The following GRIK1 variants were observed in gnomAD, a reference collection of about 807,000 sequenced individuals.
GRIK1 encodes glutamate receptor ionotropic, kainate 1.
Under a neutral mutation model 105.7 loss-of-function variants are expected in GRIK1, and 69 were observed. The ratio of observed to expected loss-of-function variants is 0.65; its 90% CI spans 0.54 to 0.80. The LOEUF (loss-of-function observed/expected upper bound fraction) is 0.80. GRIK1 is among the 30% of genes least tolerant of loss of function. GRIK1 has a pLI of 0.00. For missense variants in GRIK1, 1,109 were observed against 1,167.3 expected, an observed-to-expected ratio of 0.95 and a Z score of 0.73; for synonymous variants, 438 against 431.3, an observed-to-expected ratio of 1.02 and a Z score of -0.19.
intron 1 of GRIK1, among the ~76,000 whole-genome samples, chr21:29,891,876 G>T (rs2069912626): frequency 1.3e-5 from 2 of 152,084 alleles, no homozygotes; most frequent in African/African-American, 4.8e-5. Flanking sequence ...ATACAGTTTT[G>T]ATTGTCCACA....
intron 16 of GRIK1, among the ~76,000 whole-genome samples, chr21:29,545,133 G>C (rs2090031000): frequency 6.6e-6 from 1 of 152,226 alleles, no homozygotes; most frequent in African/African-American, 2.4e-5. Context: ...CCCTAGAAAG[G>C]ACACATGAAT....
At chr21:29,740,282 A>G (rs1381688342) in intron 1 of GRIK1, among the ~76,000 whole-genome samples, 1 of 151,686 alleles carries the variant, frequency 6.6e-6, no homozygotes, top group Non-Finnish European at 1.5e-5. Flanking sequence ...CAGTGGCACA[A>G]TCTCGGCTGA....
intron 1 of GRIK1, among the ~76,000 whole-genome samples, chr21:29,761,585 T>C (rs951343213): frequency 1.3e-5 from 2 of 152,222 alleles, no homozygotes; most frequent in African/African-American, 4.8e-5. Flanking sequence ...AAAAAGTTCT[T>C]ATATTTCACA....
intron 7 of GRIK1, among the ~76,000 whole-genome samples, chr21:29,617,407 C>A (rs886746517): frequency 2.0e-5 from 3 of 152,160 alleles, no homozygotes; most frequent in Non-Finnish European, 4.4e-5. Flanking sequence ...CAAGTTTGAG[C>A]AATCAGTACT....
intron 1 of GRIK1, among the ~76,000 whole-genome samples, chr21:29,842,405 C>T (rs1023976282): frequency 3.9e-5 from 6 of 152,004 alleles, no homozygotes; most frequent in East Asian, 1.9e-4. Context: ...TAAAAGGAAG[C>T]GAAGAAAAGA....
chr21:29,566,553 A>G (rs1459979017), intron 14 of GRIK1, among the ~76,000 whole-genome samples: 3 of 152,206 alleles, frequency 2.0e-5, no homozygotes, highest in Non-Finnish European at 4.4e-5. Context: ...TTTGATGAAC[A>G]TTATTTATTT....
At chr21:29,697,706 CG>C (rs1190320574) in intron 1 of GRIK1, among the ~76,000 whole-genome samples, 2 of 152,078 alleles carry the variant, frequency 1.3e-5, no homozygotes, top group Non-Finnish European at 2.9e-5. Flanking sequence ...GACTGTTTAA[CG>C]ATCAGCCACT....
chr21:29,547,012 C>T lies in GRIK1; in HGVS notation c.2607+8040G>A, dbSNP rs576626768. On this transcript the variant is annotated intron_variant, in intron 16 of 17. Coordinates refer to ENST00000327783, the MANE Select transcript of GRIK1 (RefSeq NM_001330994.2). ...ACACTTACAGAATAGAGAGAGTCTT[C>T]CTATGAGGTCCAGTCTCATTTATCA... Among the ~76,000 whole-genome samples the T allele has an allele frequency of 4.6e-5, 7 of 152,344 alleles. No individual in the cohort carries two copies. In the South Asian group the frequency reaches 1.4e-3, roughly 32 times the overall value.
At chr21:29,827,556 T>C (rs1212722108) in intron 1 of GRIK1, among the ~76,000 whole-genome samples, 2 of 152,076 alleles carry the variant, frequency 1.3e-5, no homozygotes, top group Non-Finnish European at 2.9e-5. Context: ...CAAATCCTAT[T>C]TTGATTAACA....
chr21:29,671,951 A>G (rs1441623569), intron 4 of GRIK1, among the ~76,000 whole-genome samples: 1 of 151,958 alleles, frequency 6.6e-6, no homozygotes, highest in Non-Finnish European at 1.5e-5. Context: ...TGTTCCAAAT[A>G]TGACCCCCCA....
chr21:29,752,611 A>G (rs1183126611), intron 1 of GRIK1, among the ~76,000 whole-genome samples: 2 of 152,132 alleles, frequency 1.3e-5, no homozygotes, highest in African/African-American at 2.4e-5. Flanking sequence ...GGATCACTGG[A>G]GGCCAGGAGT....
chr21:29,919,769 A>G (rs927097646), intron 1 of GRIK1, among the ~76,000 whole-genome samples: 41 of 152,216 alleles, frequency 2.7e-4, no homozygotes, highest in African/African-American at 9.6e-4. Flanking sequence ...GAATAAACCT[A>G]CGTAGTGGTT....
At chr21:29,820,950 A>G (rs966465599) in intron 1 of GRIK1, among the ~76,000 whole-genome samples, 5 of 151,898 alleles carry the variant, frequency 3.3e-5, no homozygotes, top group Non-Finnish European at 5.9e-5. Context: ...CTAAGCCCAC[A>G]GTGTTTGTAA....
At chr21:29,570,613 A>C (rs1277439161) in intron 14 of GRIK1, among the ~76,000 whole-genome samples, 1 of 152,236 alleles carries the variant, frequency 6.6e-6, no homozygotes, top group African/African-American at 2.4e-5. Context: ...CCTCATATTC[A>C]GAGAAGAATT....
intron 1 of GRIK1, among the ~76,000 whole-genome samples, chr21:29,734,184 A>T (rs947378353): frequency 6.6e-6 from 1 of 152,078 alleles, no homozygotes; most frequent in African/African-American, 2.4e-5. Context: ...CCCCACTTCC[A>T]AGCACCTCCA....
At chr21:29,562,522 G>A (rs991645516) in intron 14 of GRIK1, among the ~76,000 whole-genome samples, 1 of 152,094 alleles carries the variant, frequency 6.6e-6, no homozygotes, top group Admixed American at 6.5e-5. Flanking sequence ...AGGTGTCGTG[G>A]CATGTGCCTG....
chr21:29,562,472 A>T (rs1295531253), intron 14 of GRIK1, among the ~76,000 whole-genome samples: 1 of 152,192 alleles, frequency 6.6e-6, no homozygotes, highest in Non-Finnish European at 1.5e-5. Flanking sequence ...CTTGACCAAC[A>T]TGGTGAAACC....
chr21:29,729,090 G>T (rs1194097843), intron 1 of GRIK1, among the ~76,000 whole-genome samples: 2 of 152,140 alleles, frequency 1.3e-5, no homozygotes, highest in Non-Finnish European at 2.9e-5. Flanking sequence ...TGTGATTGGG[G>T]ACCTAATCAA....
intron 1 of GRIK1, among the ~76,000 whole-genome samples, chr21:29,822,480 A>G (rs564109323): frequency 2.0e-5 from 3 of 152,142 alleles, no homozygotes; most frequent in Non-Finnish European, 4.4e-5. Context: ...AAAACCCATA[A>G]TTTTTTAGAT....
Sources: allele counts gnomAD v4.1 joint callset (sites outside exome capture counted in the v4.1 genomes callset), GRCh38; gene constraint gnomAD v4.1.1; transcripts MANE v1.5; gene names NCBI Gene and HGNC (gene_info 2026-07-23, HGNC 2026-07-21).